The following IMMP2L variants were observed in gnomAD, a reference collection of about 807,000 sequenced individuals.
The protein encoded by IMMP2L is inner mitochondrial membrane peptidase subunit 2, also known as mitochondrial inner membrane protease subunit 2.
Under a neutral mutation model 19.3 loss-of-function variants are expected in IMMP2L, and 18 were observed. The ratio of observed to expected loss-of-function variants is 0.93; its 90% CI spans 0.64 to 1.38. The LOEUF is 1.38. Among genes scored for constraint, IMMP2L ranks in the 40% most tolerant of loss-of-function variants. The pLI, the probability that IMMP2L is intolerant of heterozygous loss-of-function variation, is 0.00. For missense variants in IMMP2L, 233 were observed against 218.2 expected, an observed-to-expected ratio of 1.07 and a Z score of -0.43; for synonymous variants, 76 against 73.0, an observed-to-expected ratio of 1.04 and a Z score of -0.21.
intron 3 of IMMP2L, among the ~76,000 whole-genome samples, chr7:111,195,536 T>C (rs1389788617): frequency 6.6e-6 from 1 of 152,166 alleles, no homozygotes; most frequent in East Asian, 1.9e-4. Flanking sequence ...TATCTTTTTA[T>C]TGTGTAGAAA....
intron 3 of IMMP2L, among the ~76,000 whole-genome samples, chr7:111,230,409 T>A (rs74350984): frequency 1.7e-4 from 26 of 152,134 alleles, no homozygotes; most frequent in African/African-American, 6.3e-4. Flanking sequence ...AGGGAAGAAA[T>A]GCAGAAAGAA....
At chr7:111,065,079 A>G (rs1384288042) in intron 3 of IMMP2L, among the ~76,000 whole-genome samples, 1 of 152,232 alleles carries the variant, frequency 6.6e-6, no homozygotes. Context: ...GCAGTCATCA[A>G]TATCAGCTAC....
intron 4 of IMMP2L, among the ~76,000 whole-genome samples, chr7:110,948,172 GAGAT>G (rs922822434): frequency 1.3e-5 from 2 of 152,052 alleles, no homozygotes; most frequent in African/African-American, 4.8e-5. Flanking sequence ...AAGAAAACTA[GAGAT>G]ACTTTTTTTA....
At chr7:111,470,865 T>TA (rs1841193710) in intron 3 of IMMP2L, among the ~76,000 whole-genome samples, 1 of 150,354 alleles carries the variant, frequency 6.7e-6, no homozygotes, top group Non-Finnish European at 1.5e-5. Flanking sequence ...CCCTAAAACT[T>TA]AAAGTATAAT....
intron 3 of IMMP2L, among the ~76,000 whole-genome samples, chr7:111,241,868 G>C (rs1435422058): frequency 1.3e-5 from 2 of 151,886 alleles, no homozygotes; most frequent in African/African-American, 2.4e-5. Context: ...AGTTTTTACA[G>C]TCAATGAAAA....
chr7:111,061,411 A>T (rs561166115), intron 3 of IMMP2L, among the ~76,000 whole-genome samples: 2 of 152,312 alleles, frequency 1.3e-5, no homozygotes, highest in Non-Finnish European at 2.9e-5. Flanking sequence ...AATAGTTTGC[A>T]GGTAGCACTG....
chr7:111,491,283 A>C (rs1477907216), intron 2 of IMMP2L, among the ~76,000 whole-genome samples: 2 of 152,156 alleles, frequency 1.3e-5, no homozygotes, highest in Admixed American at 6.6e-5. Context: ...GGTCAGGAGC[A>C]GACTATTAGT....
intron 5 of IMMP2L, among the ~76,000 whole-genome samples, chr7:110,859,031 T>C (rs1273816211): frequency 6.6e-6 from 1 of 152,158 alleles, no homozygotes; most frequent in Non-Finnish European, 1.5e-5. Flanking sequence ...GGTTTGTAGA[T>C]AACCCCAAAC....
chr7:111,384,988 G>A (rs576333121), intron 3 of IMMP2L, among the ~76,000 whole-genome samples: 1 of 152,208 alleles, frequency 6.6e-6, no homozygotes, highest in South Asian at 2.1e-4. Flanking sequence ...GAAAAATTAG[G>A]TGGGTTCTGT....
chr7:111,394,743 C>A, intron 3 of IMMP2L: 1 of 155,970 alleles, frequency 6.4e-6, no homozygotes, highest in Non-Finnish European at 1.4e-5. Flanking sequence ...GGAAAATAGA[C>A]TATAAGACAA....
At chr7:110,957,175 A>C (rs940593206) in intron 4 of IMMP2L, among the ~76,000 whole-genome samples, 2 of 151,882 alleles carry the variant, frequency 1.3e-5, no homozygotes, top group African/African-American at 4.8e-5. Flanking sequence ...CAAGGTAGAA[A>C]TTTCAGGCCC....
At chr7:111,059,239 CTCAAAGCACAGGGATT>C (rs1162668652) in intron 3 of IMMP2L, among the ~76,000 whole-genome samples, 3 of 152,156 alleles carry the variant, frequency 2.0e-5, no homozygotes, top group Admixed American at 1.3e-4. Flanking sequence ...GCCTCGGCCT[CTCAAAGCACAGGGATT>C]ACAGGCATGA....
At chr7:111,212,331 G>A (rs1277456773) in intron 3 of IMMP2L, among the ~76,000 whole-genome samples, 1 of 152,112 alleles carries the variant, frequency 6.6e-6, no homozygotes, top group Non-Finnish European at 1.5e-5. Context: ...AATTACGGCC[G>A]GATGCAGTGC....
intron 3 of IMMP2L, among the ~76,000 whole-genome samples, chr7:111,026,277 C>G (rs1029084703): frequency 5.3e-5 from 8 of 152,072 alleles, no homozygotes; most frequent in Middle Eastern, 3.4e-3. Context: ...ATTCCTAATC[C>G]AAGTAGTTAG....
rs1303014886 is a variant in IMMP2L at position 111,470,105 on chromosome 7, T to C, written c.239+17133A>G. On this transcript the variant is annotated intron_variant, in intron 3 of 5. Transcript: ENST00000405709. ...TTCTCAAAAGAAGACATTAATGCAG[T>C]CAAAAGACACATGAAAAAATGCTCA... Among the ~76,000 whole-genome samples, 5 of 152,102 alleles carry C rather than the reference T, an allele frequency of 3.3e-5. No homozygotes were observed. The East Asian group carries it at 7.7e-4, about 24-fold the overall frequency.
chr7:111,366,126 T>C (rs1050203159), intron 3 of IMMP2L, among the ~76,000 whole-genome samples: 1 of 151,980 alleles, frequency 6.6e-6, no homozygotes, highest in African/African-American at 2.4e-5. Flanking sequence ...TATCTCCCCA[T>C]GGATTGCTCA....
chr7:110,718,245 T>C (rs1216130129), intron 5 of IMMP2L, among the ~76,000 whole-genome samples: 1 of 152,184 alleles, frequency 6.6e-6, no homozygotes, highest in Non-Finnish European at 1.5e-5. Context: ...GGTGTAAAAG[T>C]AGAAAGTTTG....
intron 3 of IMMP2L, among the ~76,000 whole-genome samples, chr7:111,389,594 TGAGAGAGA>T (rs756662744): frequency 6.7e-6 from 1 of 150,186 alleles, no homozygotes; most frequent in Non-Finnish European, 1.5e-5. Flanking sequence ...GAGGGCAGAT[TGAGAGAGA>T]GAGAGAGAAT....
At chr7:111,072,699 C>T (rs556195059) in intron 3 of IMMP2L, among the ~76,000 whole-genome samples, 1 of 152,032 alleles carries the variant, frequency 6.6e-6, no homozygotes, top group South Asian at 2.1e-4. Context: ...ATTGAGACCA[C>T]CCTGATTAAC....
Sources: gnomAD v4.1 joint callset for allele counts (sites outside exome capture counted in the v4.1 genomes callset) on GRCh38, gnomAD v4.1.1 for gene constraint, MANE v1.5 for transcripts, NCBI Gene and HGNC (gene_info 2026-07-23, HGNC 2026-07-21) for gene names.